The following LARP4B variants were observed in gnomAD, a reference collection of about 807,000 sequenced individuals.
The protein encoded by LARP4B is La ribonucleoprotein 4B.
In LARP4B, 12 loss-of-function variants were observed where a neutral mutation model predicts 89.8. The ratio of observed to expected loss-of-function variants is 0.13; its 90% CI spans 0.09 to 0.22. The LOEUF is 0.22. LARP4B is among the 10% of genes least tolerant of loss of function. The pLI is 1.00. For missense variants in LARP4B, 757 were observed against 947.7 expected, an observed-to-expected ratio of 0.80 and a Z score of 2.64; for synonymous variants, 367 against 363.3, an observed-to-expected ratio of 1.01 and a Z score of -0.12.
chr10:972,446 T>G, the LARP4B span: 22 of 448,390 alleles, frequency 4.9e-5, no homozygotes, highest in Non-Finnish European at 8.9e-5. Context: ...ATTCCTTATG[T>G]ATTACCCAGT....
chr10:925,054 G>GA (rs969404018), intron 1 of LARP4B, among the ~76,000 whole-genome samples: 28 of 152,324 alleles, frequency 1.8e-4, no homozygotes, highest in African/African-American at 6.3e-4. Flanking sequence ...TAAATACTAT[G>GA]AAAAAAGTAC....
chr10:948,737 A>G, the LARP4B span, among the ~76,000 whole-genome samples: 4 of 152,354 alleles, frequency 2.6e-5, no homozygotes, highest in Admixed American at 2.6e-4. Flanking sequence ...AATGTTCTAT[A>G]AATGGAATCT....
At chr10:882,440 T>C (rs781648376) in intron 3 of LARP4B, among the ~76,000 whole-genome samples, 2 of 151,324 alleles carry the variant, frequency 1.3e-5, no homozygotes, top group East Asian at 1.9e-4. Flanking sequence ...TAGGCTGGAG[T>C]GTGGTGGCAC....
chr10:861,798 C>G (rs1384134914), intron 5 of LARP4B, among the ~76,000 whole-genome samples: 1 of 152,166 alleles, frequency 6.6e-6, no homozygotes, highest in Non-Finnish European at 1.5e-5. Flanking sequence ...AAATTCTGAC[C>G]CCAGTTCAAG....
intron 3 of LARP4B, among the ~76,000 whole-genome samples, chr10:867,561 A>T (rs889728015): frequency 6.6e-6 from 1 of 152,202 alleles, no homozygotes; most frequent in Non-Finnish European, 1.5e-5. Flanking sequence ...CTAAATGGTT[A>T]TCAAGAACTC....
intron 1 of LARP4B, among the ~76,000 whole-genome samples, chr10:902,291 C>T (rs995802070): frequency 1.4e-4 from 22 of 152,328 alleles, no homozygotes; most frequent in Non-Finnish European, 4.4e-5. Context: ...GAACCAAATG[C>T]ACAGAACATT....
intron 3 of LARP4B, chr10:873,273 C>A (rs948078821): frequency 4.1e-6 from 4 of 985,366 alleles, no homozygotes; most frequent in Admixed American, 6.1e-5. Context: ...CCTTGCACAG[C>A]GGTCACATGT....
intron 7 of LARP4B, among the ~76,000 whole-genome samples, chr10:839,917 A>G (rs1833438406): frequency 6.6e-6 from 1 of 152,244 alleles, no homozygotes; most frequent in Non-Finnish European, 1.5e-5. Flanking sequence ...AGGTGCATAA[A>G]CCAACTGGGA....
intron 5 of LARP4B, among the ~76,000 whole-genome samples, chr10:850,997 T>C (rs549715005): frequency 1.3e-5 from 2 of 152,194 alleles, no homozygotes; most frequent in East Asian, 3.9e-4. Flanking sequence ...TAAAACTAAA[T>C]GACTATATCA....
the LARP4B span, among the ~76,000 whole-genome samples, chr10:981,169 T>A: frequency 1.3e-5 from 2 of 152,334 alleles, no homozygotes; most frequent in Admixed American, 1.3e-4. Flanking sequence ...CAGTTCCCAA[T>A]AATTTCCTCA....
chr10:837,471 T>TA (rs1411540541), intron 7 of LARP4B, among the ~76,000 whole-genome samples: 1 of 152,232 alleles, frequency 6.6e-6, no homozygotes, highest in Non-Finnish European at 1.5e-5. Flanking sequence ...ATTGTAATGA[T>TA]GATTCTAAAA....
intron 1 of LARP4B, among the ~76,000 whole-genome samples, chr10:908,425 A>G (rs1836556965): frequency 6.6e-6 from 1 of 152,210 alleles, no homozygotes; most frequent in Admixed American, 6.5e-5. Flanking sequence ...TGTCAAGCAA[A>G]GTAATGGAAC....
At chr10:963,957 T>A in the LARP4B span, among the ~76,000 whole-genome samples, 1 of 152,212 alleles carries the variant, frequency 6.6e-6, no homozygotes, top group Non-Finnish European at 1.5e-5. Flanking sequence ...GGGGGACACA[T>A]TCAAACCATA....
At chr10:934,812 C>CTT (rs779258627), upstream of LARP4B, among the ~76,000 whole-genome samples, 8 of 152,204 alleles carry the variant, frequency 5.3e-5, no homozygotes, top group Non-Finnish European at 8.8e-5. Context: ...CCTAAAAACT[C>CTT]TTTCCTTCTC....
At chr10:936,239 CGAGGGATGGAGGGTGAGGAT>C (rs1830747148), upstream of LARP4B, among the ~76,000 whole-genome samples, 1 of 151,894 alleles carries the variant, frequency 6.6e-6, no homozygotes, top group East Asian at 1.9e-4. Flanking sequence ...AAGCAGGTAA[CGAGGGATGGAGGGTGAGGAT>C]GAGGGATGGA....
chr10:882,382 G>A (rs896777430), intron 3 of LARP4B, among the ~76,000 whole-genome samples: 4 of 151,530 alleles, frequency 2.6e-5, no homozygotes, highest in Non-Finnish European at 4.4e-5. Context: ...ATACTAAATA[G>A]GGAAACCATT....
chr10:983,540 C>T, the LARP4B span, among the ~76,000 whole-genome samples: 9 of 152,280 alleles, frequency 5.9e-5, no homozygotes, highest in East Asian at 1.9e-4. Context: ...TGTGGAAAGC[C>T]GCCTTCTCTC....
chr10:925,123 T>C (rs984024359), intron 1 of LARP4B, among the ~76,000 whole-genome samples: 62 of 152,338 alleles, frequency 4.1e-4, no homozygotes, highest in African/African-American at 1.4e-3. Context: ...TATGTGACTG[T>C]TGTAGCAGAC....
At chr10:848,947 C>T (rs1473970237) in intron 5 of LARP4B, among the ~76,000 whole-genome samples, 1 of 152,070 alleles carries the variant, frequency 6.6e-6, no homozygotes, top group Non-Finnish European at 1.5e-5. Context: ...AAAATAAAAA[C>T]ATATATTGTC....
Sources: allele counts gnomAD v4.1 joint callset (sites outside exome capture counted in the v4.1 genomes callset), GRCh38; gene constraint gnomAD v4.1.1; transcripts MANE v1.5; gene names NCBI Gene and HGNC (gene_info 2026-07-23, HGNC 2026-07-21).